The following OSCP1 variants were observed in gnomAD, a reference collection of about 807,000 sequenced individuals.
OSCP1 encodes the protein protein OSCP1.
In OSCP1, 35 loss-of-function variants were observed where a neutral mutation model predicts 45.1. That is an observed-to-expected ratio of 0.78 (90% confidence interval 0.59 to 1.03). The LOEUF is 1.03. OSCP1 is among the 50% of genes least tolerant of loss of function. The pLI is 0.00. For missense variants in OSCP1, 400 were observed against 470.7 expected (o/e 0.85, Z 1.39); for synonymous variants, 179 against 180.1 (o/e 0.99, Z 0.05).
intron 4 of OSCP1, chr1:36,428,425 A>G (rs755226011): frequency 1.2e-6 from 2 of 1,614,120 alleles, no homozygotes; most frequent in South Asian, 2.2e-5. Flanking sequence ...CTGGAAGGCA[A>G]CACTGTGCAC....
At chr1:36,431,226 C>T (rs1648346515) in intron 4 of OSCP1, among the ~76,000 whole-genome samples, 3 of 152,056 alleles carry the variant, frequency 2.0e-5, no homozygotes, top group Admixed American at 2.0e-4. Flanking sequence ...AGAGGTTAGA[C>T]TCAGGAGTCA....
chr1:36,448,512 G>C (rs1236529563), intron 1 of OSCP1, among the ~76,000 whole-genome samples: 5 of 152,172 alleles, frequency 3.3e-5, no homozygotes, highest in African/African-American at 1.2e-4. Context: ...AATCAAGCGG[G>C]AGATAGACAT....
rs1649822891 is a variant in OSCP1, at chr1:36,450,279, G to A, written c.91C>T (p.Pro31Ser). ...LDQRLRAQNIPGDKARKVLND... is the reference protein window; with the variant it reads ...LDQRLRAQNISGDKARKVLND... ...TCACCTTTGCGGGCCTTGTCTCCCG[G>A]GATGTTCTGGGCCCGCAGCCGTTGG... Residue 31 changes from proline (P) to serine (S), a missense_variant, in exon 1 of 10, where the codon CCG (proline) becomes TCG (serine). Transcript: ENST00000235532. 6.2e-7 allele frequency: 1 copy of A among 1,613,636 alleles called. No individual in the cohort carries two copies. Among genetic ancestry groups the A allele is most frequent in the Admixed American group, 1.7e-5 (1 of 59,980 alleles).
Position 36,450,407 on chromosome 1 carries a change from G to A in OSCP1, c.-38C>T. 1 of 1,569,536 alleles carries A rather than the reference G, an allele frequency of 6.4e-7. No individual in the cohort carries two copies. Among genetic ancestry groups the A allele is most frequent in the African/African-American group, 1.3e-5 (1 of 74,106 alleles). Reference sequence around the variant, plus strand: ...GAGCTGGACTGGTGAAGAGCCCCGGGGTTCGGTAGCCAGTGGCCTGAAGGC... The same window carrying A: ...GAGCTGGACTGGTGAAGAGCCCCGGAGTTCGGTAGCCAGTGGCCTGAAGGC... On this transcript the variant is annotated 5_prime_UTR_variant, in exon 1 of 10. Transcript: ENST00000235532.
In OSCP1 at chr1:36,450,246, G is replaced by A. The variant is rs1649818300; in HGVS notation, c.112+12C>T. 1 of 1,608,416 alleles carries A rather than the reference G, an allele frequency of 6.2e-7. No individual in the cohort carries two copies. The highest frequency in any genetic ancestry group is 8.5e-7 in the Non-Finnish European group (1 of 1,175,604). ...GCTGCGGGTCTGGCTGAGCGGGCCG[G>A]GGGCCTCTCACCTTTGCGGGCCTTG... On this transcript the variant is annotated intron_variant, in intron 1 of 9. Transcript: ENST00000235532.
intron 4 of OSCP1, among the ~76,000 whole-genome samples, chr1:36,425,403 C>CGGTGGGTTACT (rs1553145598): frequency 6.6e-6 from 1 of 151,984 alleles, no homozygotes; most frequent in Non-Finnish European, 1.5e-5. Context: ...ATAGATAACT[C>CGGTGGGTTACT]GGTGGGTTAC....
Position 36,431,879 on chromosome 1 carries a change from A to C in OSCP1, c.439T>G (p.Tyr147Asp), listed in dbSNP as rs1242367113. ...DETLRQLTEI[Y>D]GGLSAGEFQL... ...AACTCCCCTGCAGAGAGACCACCAT[A>C]TATCTGCCAAAGGCAAGCAGAAAGC... The change falls in exon 4 of 10, where the codon TAT becomes GAT. Residue 147 changes from tyrosine to aspartate, a missense_variant. Tyr to Asp is a radical substitution (Grantham distance 160). Coordinates refer to ENST00000235532, the MANE Select transcript of OSCP1 (RefSeq NM_145047.5). The C allele has an allele frequency of 6.2e-7, 1 of 1,612,752 alleles. No individual in the cohort carries two copies. Among genetic ancestry groups the C allele is most frequent in the Non-Finnish European group, 8.5e-7 (1 of 1,179,886 alleles).
chr1:36,444,313 C>T (rs997882463), intron 1 of OSCP1, among the ~76,000 whole-genome samples: 3 of 152,178 alleles, frequency 2.0e-5, no homozygotes, highest in Admixed American at 2.0e-4. Flanking sequence ...TGTGGTTCAT[C>T]TTGAAAGGCC....
At position 36,438,992 on chromosome 1, in the gene OSCP1, A is replaced by T; in HGVS notation, c.113-82T>A. 5 of 1,475,712 alleles carry T rather than the reference A, an allele frequency of 3.4e-6. No individual in the cohort carries two copies. The South Asian group carries it at 6.3e-5, about 19-fold the overall frequency. 91.4% of individuals were successfully genotyped at this position (1,475,712 alleles called of 1,614,324 possible). A position where few individuals can be genotyped will look rare whatever the true frequency, so the allele number is the denominator to read the frequency against. On this transcript the variant is annotated intron_variant, in intron 1 of 9. Transcript: ENST00000235532. ...AATGCTCTTTGTGTGCAGGTACAGGAGCTGAGCGTGTACAGTACAGAATTG... is the reference window on the plus strand; with the variant it reads ...AATGCTCTTTGTGTGCAGGTACAGGTGCTGAGCGTGTACAGTACAGAATTG...
At chr1:36,425,473 G>A (rs145944117) in intron 4 of OSCP1, among the ~76,000 whole-genome samples, 12,596 of 152,124 alleles carry the variant, frequency 0.083, 567 homozygotes, top group Middle Eastern at 0.15. Flanking sequence ...AGTGGCTCAC[G>A]CCAGTAATCC....
intron 6 of OSCP1, 129 bp from the exon 7 acceptor site, chr1:36,422,348 A>G: frequency 1.2e-6 from 1 of 842,666 alleles, no homozygotes; most frequent in South Asian, 1.5e-5. Context: ...CTGTGGGTAC[A>G]GAATGCAACT....
intron 4 of OSCP1, chr1:36,428,617 T>A (rs776363050): frequency 5.8e-6 from 6 of 1,042,298 alleles, no homozygotes; most frequent in Non-Finnish European, 7.8e-6. Context: ...ATGGAGCTAG[T>A]CCTATAGTTG....
Position 36,442,226 on chromosome 1 carries a change from C to CAAAAAAAAAA in OSCP1, c.113-3326_113-3317dup, listed in dbSNP as rs72150069. ...GGGCAACAAGAGCGAAACTCCGTCTCAAAAAAAAAAAAAAGGAGGCTAAGG... is the reference window on the plus strand; with the variant it reads ...GGGCAACAAGAGCGAAACTCCGTCTCAAAAAAAAAAAAAAAAAAAAAAAAGGAGGCTAAGG... On this transcript the variant is annotated intron_variant, in intron 1 of 9. Transcript: ENST00000235532. 1.7e-3 allele frequency among the ~76,000 whole-genome samples: 196 copies of CAAAAAAAAAA among 113,764 alleles called. 2 individuals are homozygous for CAAAAAAAAAA. The highest frequency in any genetic ancestry group is 0.016 in the Middle Eastern group (3 of 192). The allele number at this position is 113,764 out of a possible 152,430, so 74.6% of individuals were successfully genotyped here.
chr1:36,420,547 C>T lies in OSCP1; in HGVS notation c.888G>A (p.Met296Ile), dbSNP rs1290481254. Residue 296 changes from methionine (M) to isoleucine (I), a missense_variant, in exon 8 of 10, where the codon ATG becomes ATA. Transcript: ENST00000235532. ...CAGGGCCACTGGGTTTCTTAATCTC[C>T]ATCCCTCCCATCAGCCTGGCCAAGA... ...LNFLARLMGG[M>I]EIKKPSGPEP... 6.2e-7 allele frequency: 1 copy of T among 1,614,142 alleles called. No individual in the cohort carries two copies. The highest frequency in any genetic ancestry group is 8.5e-7 in the Non-Finnish European group (1 of 1,180,018).
chr1:36,441,794 T>C (rs1649190527), intron 1 of OSCP1, among the ~76,000 whole-genome samples: 1 of 151,960 alleles, frequency 6.6e-6, no homozygotes, highest in African/African-American at 2.4e-5. Flanking sequence ...TTTATTTTTT[T>C]CCCTTCATCC....
chr1:36,427,507 C>T (rs566472377), intron 4 of OSCP1, among the ~76,000 whole-genome samples: 12 of 148,084 alleles, frequency 8.1e-5, no homozygotes, highest in African/African-American at 3.0e-4. Context: ...TTAGTAGAGA[C>T]GGGGTTTCAC....
At chr1:36,442,996 C>T (rs1466540077) in intron 1 of OSCP1, among the ~76,000 whole-genome samples, 1 of 152,038 alleles carries the variant, frequency 6.6e-6, no homozygotes, top group Non-Finnish European at 1.5e-5. Flanking sequence ...TGGAGTCTCG[C>T]TCTGTCGCCC....
chr1:36,419,096 CT>C, intron 8 of OSCP1, 42 bp from the exon 9 acceptor site: 1 of 1,540,384 alleles, frequency 6.5e-7, no homozygotes, highest in Non-Finnish European at 9.0e-7. Flanking sequence ...CATTAGGGTT[CT>C]TTCCCTGCCA....
intron 4 of OSCP1, among the ~76,000 whole-genome samples, chr1:36,427,316 A>ATTTTTTTTTTTTTTTTTTTC (rs1648038116): frequency 6.1e-5 from 1 of 16,330 alleles, no homozygotes; most frequent in Admixed American, 4.2e-4. Flanking sequence ...TTTTTTTTTG[A>ATTTTTTTTTTTTTTTTTTTC]CACAGAGTCT....
Sources: gnomAD v4.1 joint callset for allele counts (sites outside exome capture counted in the v4.1 genomes callset) on GRCh38, gnomAD v4.1.1 for gene constraint, MANE v1.5 for transcripts, NCBI Gene and HGNC (gene_info 2026-07-23, HGNC 2026-07-21) for gene names.